SPIRE1: variants seen among roughly 807,000 people sequenced by gnomAD.
SPIRE1 encodes the protein protein spire homolog 1.
SPIRE1 carries 40 observed loss-of-function variants against 94.1 expected under a neutral mutation model. The ratio of observed to expected loss-of-function variants is 0.43; its 90% CI spans 0.33 to 0.55. The LOEUF (loss-of-function observed/expected upper bound fraction) is 0.55, where lower values mean the gene tolerates loss of function less well. Ranked by LOEUF, SPIRE1 falls within the 20% of genes least tolerant of loss-of-function variation. SPIRE1 has a pLI of 0.06. For missense variants in SPIRE1, 838 were observed against 975.2 expected (o/e 0.86, Z 1.87); for synonymous variants, 376 against 371.7 (o/e 1.01, Z -0.13).
In SPIRE1 at chr18:12,463,909, G is replaced by GT. The variant is rs568341920; in HGVS notation, c.1496-417dup. On this transcript the variant is annotated intron_variant, in intron 11 of 16. Transcript: ENST00000409402. Reference sequence around the variant, plus strand: ...AAGCTTCAGCTTTGATGTTAATATTGTACCATTGTCCTTCTCTGCCTAGTA... The same window carrying GT: ...AAGCTTCAGCTTTGATGTTAATATTGTTACCATTGTCCTTCTCTGCCTAGTA... Among the ~76,000 whole-genome samples the GT allele has an allele frequency of 3.7e-3, 556 of 152,264 alleles. 1 individual carries two copies. The highest frequency in any genetic ancestry group is 5.9e-3 in the Non-Finnish European group (398 of 68,020).
chr18:12,644,031 C>CA (rs72419037), intron 1 of SPIRE1, among the ~76,000 whole-genome samples: 57,996 of 131,484 alleles, frequency 0.44, 13,540 homozygotes, highest in African/African-American at 0.61. Context: ...CTGTCTCAAC[C>CA]AAAAAAAAAA....
chr18:12,506,202 G>C (rs11876123), intron 6 of SPIRE1, among the ~76,000 whole-genome samples: 1 of 151,998 alleles, frequency 6.6e-6, no homozygotes, highest in African/African-American at 2.4e-5. Flanking sequence ...CTGTCGCTGA[G>C]GCTGGAGTGC....
chr18:12,509,932 A>G (rs2155700), intron 5 of SPIRE1, among the ~76,000 whole-genome samples: 11,116 of 152,052 alleles, frequency 0.073, 496 homozygotes, highest in South Asian at 0.14. Context: ...TAAAAATACA[A>G]AAATTAGCTG....
At chr18:12,641,315 G>C (rs1281615847) in intron 1 of SPIRE1, among the ~76,000 whole-genome samples, 1 of 151,732 alleles carries the variant, frequency 6.6e-6, no homozygotes, top group Non-Finnish European at 1.5e-5. Flanking sequence ...TAGTTAACAG[G>C]CTGAAATTTA....
chr18:12,653,075 T>C (rs980298899), intron 1 of SPIRE1: 10 of 152,162 alleles, frequency 6.6e-5, no homozygotes, highest in African/African-American at 2.4e-4. Flanking sequence ...GCAGTGGTTC[T>C]CAACTGGGAT....
chr18:12,482,649 A>G (rs2032885244), intron 9 of SPIRE1, among the ~76,000 whole-genome samples: 2 of 152,148 alleles, frequency 1.3e-5, no homozygotes, highest in South Asian at 4.1e-4. Context: ...ATTTTAGGGA[A>G]CACTGTCAAA....
intron 7 of SPIRE1, among the ~76,000 whole-genome samples, chr18:12,495,049 C>CAAAAAA (rs773920267): frequency 1.2e-5 from 1 of 81,038 alleles, no homozygotes; most frequent in Non-Finnish European, 2.6e-5. Flanking sequence ...GACTCTGTCT[C>CAAAAAA]AAAAAAAAAA....
At chr18:12,623,463 C>A (rs2037534250) in intron 2 of SPIRE1, among the ~76,000 whole-genome samples, 1 of 151,792 alleles carries the variant, frequency 6.6e-6, no homozygotes, top group African/African-American at 2.4e-5. Context: ...AACATCATTT[C>A]TACAAATGCT....
intron 1 of SPIRE1, among the ~76,000 whole-genome samples, chr18:12,648,578 G>T (rs945245983): frequency 6.6e-6 from 1 of 152,018 alleles, no homozygotes; most frequent in African/African-American, 2.4e-5. Flanking sequence ...TATCTCGAAT[G>T]GGATTTCTGC....
At chr18:12,494,995 A>G (rs2033398615) in intron 7 of SPIRE1, among the ~76,000 whole-genome samples, 1 of 147,744 alleles carries the variant, frequency 6.8e-6, no homozygotes, top group South Asian at 2.2e-4. Flanking sequence ...GCTTGCAGTG[A>G]GCCGAGATTG....
Position 12,576,061 on chromosome 18 carries a change from GGCATGGTGGT to G in SPIRE1, c.373-29167_373-29158del, listed in dbSNP as rs536979293. Among the ~76,000 whole-genome samples the G allele has an allele frequency of 2.1e-3, 316 of 152,052 alleles. 1 individual carries two copies. Among genetic ancestry groups the G allele is most frequent in the Non-Finnish European group, 3.0e-3 (204 of 67,998 alleles). ...TCTACTAAAAATACAAAATTAGCTGGGCATGGTGGTGCATGTCTGTAATCCCAGCTACTCG... is the reference window on the plus strand; with the variant it reads ...TCTACTAAAAATACAAAATTAGCTGGGCATGTCTGTAATCCCAGCTACTCG... On this transcript the variant is annotated intron_variant, in intron 2 of 16. Coordinates refer to ENST00000409402, the MANE Select transcript of SPIRE1 (RefSeq NM_001128626.2).
chr18:12,605,866 C>T (rs1176295823), intron 2 of SPIRE1, among the ~76,000 whole-genome samples: 4 of 152,182 alleles, frequency 2.6e-5, no homozygotes, highest in Admixed American at 2.6e-4. Flanking sequence ...TGGGGCCCTA[C>T]ACGACCTAGC....
intron 11 of SPIRE1, 28 bp from the exon 12 acceptor site, chr18:12,463,521 C>T (rs918578097): frequency 3.2e-6 from 5 of 1,582,422 alleles, no homozygotes; most frequent in African/African-American, 2.7e-5. Flanking sequence ...TGAAATAAAA[C>T]TTACTGTGAA....
chr18:12,525,887 T>C (rs1166154406), intron 4 of SPIRE1, among the ~76,000 whole-genome samples: 2 of 152,246 alleles, frequency 1.3e-5, no homozygotes, highest in African/African-American at 4.8e-5. Flanking sequence ...TTCATCTTCT[T>C]TGCCATGATG....
chr18:12,630,058 G>C (rs1251006332), intron 2 of SPIRE1, among the ~76,000 whole-genome samples: 2 of 151,970 alleles, frequency 1.3e-5, no homozygotes, highest in Non-Finnish European at 1.5e-5. Flanking sequence ...TAATTTTTAA[G>C]AATATGGTAA....
At position 12,538,595 on chromosome 18, in the gene SPIRE1, C is replaced by T. The variant is rs80003049; in HGVS notation, c.604-2994G>A. 3.2e-3 allele frequency among the ~76,000 whole-genome samples: 482 copies of T among 152,234 alleles called. 1 individual carries two copies. Among genetic ancestry groups the T allele is most frequent in the Non-Finnish European group, 5.7e-3 (386 of 67,998 alleles). ...CTCCTCAACCCCTATTCCAGGCCAG[C>T]CCTTTATGTTAACCACTTATGGCTA... is the stretch of plus-strand genomic sequence containing the variant. On this transcript the variant is annotated intron_variant, in intron 3 of 16. Transcript: ENST00000409402.
intron 2 of SPIRE1, among the ~76,000 whole-genome samples, chr18:12,583,038 G>C (rs1177723785): frequency 1.3e-5 from 2 of 152,186 alleles, no homozygotes; most frequent in East Asian, 3.8e-4. Flanking sequence ...TTCCATGAAG[G>C]AATGCATGCT....
At chr18:12,494,224 C>T (rs1050853909) in intron 7 of SPIRE1, among the ~76,000 whole-genome samples, 5 of 152,096 alleles carry the variant, frequency 3.3e-5, no homozygotes, top group Admixed American at 6.6e-5. Context: ...GTGAACACCC[C>T]GCTCTACTGT....
chr18:12,476,618 C>T (rs1375894484), intron 10 of SPIRE1, among the ~76,000 whole-genome samples: 1 of 132,070 alleles, frequency 7.6e-6, no homozygotes, highest in Non-Finnish European at 1.6e-5. Context: ...CATATATACA[C>T]ACACATATAT....
Sources: allele counts gnomAD v4.1 joint callset (sites outside exome capture counted in the v4.1 genomes callset), GRCh38; gene constraint gnomAD v4.1.1; transcripts MANE v1.5; gene names NCBI Gene and HGNC (gene_info 2026-07-23, HGNC 2026-07-21).